STPG2: variants seen among roughly 807,000 people sequenced by gnomAD.
STPG2 encodes sperm tail PG-rich repeat containing 2, also known as sperm-tail PG-rich repeat-containing protein 2.
Under a neutral mutation model 54.2 loss-of-function variants are expected in STPG2, and 56 were observed. That is an observed-to-expected ratio of 1.03 (90% CI 0.83 to 1.29). The LOEUF (loss-of-function observed/expected upper bound fraction) is 1.29, where lower values mean the gene tolerates loss of function less well. STPG2 is among the 50% of genes most tolerant of loss of function. The pLI is 0.00. For missense variants in STPG2, 596 were observed against 544.9 expected (o/e 1.09, Z -0.93); for synonymous variants, 200 against 181.8 (o/e 1.10, Z -0.81).
intron 8 of STPG2, among the ~76,000 whole-genome samples, chr4:97,852,961 T>C (rs1729211025): frequency 7.2e-6 from 1 of 138,404 alleles, no homozygotes; most frequent in Non-Finnish European, 1.5e-5. Flanking sequence ...TAAATTAACA[T>C]ATTTTCTTTT....
chr4:98,082,404 T>A (rs1738373843), intron 5 of STPG2, among the ~76,000 whole-genome samples: 1 of 141,602 alleles, frequency 7.1e-6, no homozygotes, highest in Non-Finnish European at 1.5e-5. Context: ...TGGTCGCTTT[T>A]CTTCCCATCT....
intron 5 of STPG2, among the ~76,000 whole-genome samples, chr4:98,062,145 G>A (rs971959223): frequency 6.6e-6 from 1 of 152,106 alleles, no homozygotes; most frequent in African/African-American, 2.4e-5. Context: ...TGTCTTTTGT[G>A]GGAACATGGA....
At chr4:97,914,079 C>G (rs1459949075) in intron 8 of STPG2, among the ~76,000 whole-genome samples, 1 of 152,126 alleles carries the variant, frequency 6.6e-6, no homozygotes, top group Non-Finnish European at 1.5e-5. Context: ...GCAATACAAT[C>G]AAACCTTTGA....
At chr4:97,930,590 A>G (rs1732506413) in intron 8 of STPG2, among the ~76,000 whole-genome samples, 1 of 152,202 alleles carries the variant, frequency 6.6e-6, no homozygotes, top group Admixed American at 6.5e-5. Context: ...ACCTGGTAGT[A>G]TAATTTGAAA....
At chr4:97,915,486 ATGT>A (rs1411957631) in intron 8 of STPG2, among the ~76,000 whole-genome samples, 2 of 152,094 alleles carry the variant, frequency 1.3e-5, no homozygotes, top group Non-Finnish European at 2.9e-5. Context: ...TCCACTATAC[ATGT>A]TGTTCCCTAT....
chr4:97,835,732 A>G (rs1728613308), intron 9 of STPG2, among the ~76,000 whole-genome samples: 1 of 152,116 alleles, frequency 6.6e-6, no homozygotes, highest in East Asian at 1.9e-4. Flanking sequence ...TGGAAAGGCT[A>G]TACCATTATA....
At chr4:97,737,669 T>G (rs557924817) in intron 9 of STPG2, among the ~76,000 whole-genome samples, 1 of 152,010 alleles carries the variant, frequency 6.6e-6, no homozygotes, top group Admixed American at 6.5e-5. Context: ...GAAAAAAAAA[T>G]AAAAAGAAAC....
At chr4:98,069,226 T>C (rs1282622626) in intron 5 of STPG2, among the ~76,000 whole-genome samples, 21 of 152,052 alleles carry the variant, frequency 1.4e-4, no homozygotes, top group Non-Finnish European at 1.0e-4. Context: ...GAATTTGGTG[T>C]TCCACATACA....
At chr4:98,069,203 ATTC>A (rs766468370) in intron 5 of STPG2, among the ~76,000 whole-genome samples, 12 of 152,098 alleles carry the variant, frequency 7.9e-5, no homozygotes, top group East Asian at 3.8e-4. Context: ...CTAATTTATT[ATTC>A]TTCATAGGAG....
intron 8 of STPG2, among the ~76,000 whole-genome samples, chr4:97,843,171 G>T (rs552068549): frequency 6.6e-6 from 1 of 151,370 alleles, no homozygotes; most frequent in African/African-American, 2.4e-5. Context: ...ATGGTTTTTT[G>T]GTGGTTTTTT....
intron 8 of STPG2, among the ~76,000 whole-genome samples, chr4:97,899,176 CAAT>C (rs1731074151): frequency 6.6e-6 from 1 of 151,696 alleles, no homozygotes; most frequent in Non-Finnish European, 1.5e-5. Context: ...TATACACCAA[CAAT>C]AGGCAAACTG....
intron 9 of STPG2, among the ~76,000 whole-genome samples, chr4:97,717,844 G>GT (rs1724468862): frequency 6.6e-6 from 1 of 152,102 alleles, no homozygotes; most frequent in South Asian, 2.1e-4. Context: ...TGAATTATTT[G>GT]TAAGAATGAA....
intron 9 of STPG2, among the ~76,000 whole-genome samples, chr4:97,776,520 G>C (rs888808597): frequency 6.6e-6 from 1 of 152,100 alleles, no homozygotes; most frequent in Non-Finnish European, 1.5e-5. Flanking sequence ...GAACTATAAA[G>C]AGGCTATTCT....
intron 10 of STPG2, among the ~76,000 whole-genome samples, chr4:97,701,555 G>A (rs1005134942): frequency 2.0e-5 from 3 of 152,184 alleles, no homozygotes; most frequent in Non-Finnish European, 4.4e-5. Context: ...CCCTCAAGGG[G>A]ACCCAGCCTC....
At position 97,637,272 on chromosome 4, in the gene STPG2, G is replaced by C. The variant is rs528064498; in HGVS notation, c.1320+75427C>G. On this transcript the variant is annotated intron_variant, in intron 10 of 10. Coordinates refer to ENST00000295268, the MANE Select transcript of STPG2 (RefSeq NM_174952.3). ...GATTATCTCAATAGATGCAGAAAAG[G>C]CCTTTGACAAAATTCAACAATGCTT... Among the ~76,000 whole-genome samples, 20 of 152,288 alleles carry C rather than the reference G, an allele frequency of 1.3e-4. No homozygotes were observed. The East Asian group carries it at 3.9e-3, about 29-fold the overall frequency.
chr4:98,090,463 G>A (rs997354724), intron 5 of STPG2, among the ~76,000 whole-genome samples: 4 of 152,014 alleles, frequency 2.6e-5, no homozygotes, highest in African/African-American at 7.2e-5. Context: ...ATATAGGCTT[G>A]TAGTATAATT....
chr4:97,615,886 A>T (rs1185175005), intron 10 of STPG2, among the ~76,000 whole-genome samples: 1 of 150,266 alleles, frequency 6.7e-6, no homozygotes, highest in African/African-American at 2.4e-5. Context: ...AAATACAAAA[A>T]ATTAGCCAGG....
chr4:98,059,314 G>T (rs1444645905), intron 5 of STPG2, among the ~76,000 whole-genome samples: 3 of 151,890 alleles, frequency 2.0e-5, no homozygotes, highest in East Asian at 1.9e-4. Context: ...TCTCTAAGAA[G>T]AAATTGGAGT....
At chr4:97,599,712 T>C (rs1733404841) in intron 10 of STPG2, among the ~76,000 whole-genome samples, 1 of 151,542 alleles carries the variant, frequency 6.6e-6, no homozygotes, top group South Asian at 2.1e-4. Flanking sequence ...TAGTCCCAGC[T>C]ACTCGGGAGG....
Sources: gnomAD v4.1 joint callset for allele counts (sites outside exome capture counted in the v4.1 genomes callset) on GRCh38, gnomAD v4.1.1 for gene constraint, MANE v1.5 for transcripts, NCBI Gene and HGNC (gene_info 2026-07-23, HGNC 2026-07-21) for gene names.